Variants in BRI3BP observed in about 807,000 individuals in gnomAD.
BRI3BP encodes the protein BRI3-binding protein.
A neutral mutation model predicts 15.8 loss-of-function variants in BRI3BP; 7 were observed. That is an observed-to-expected ratio of 0.44 (90% CI 0.25 to 0.83). The LOEUF (loss-of-function observed/expected upper bound fraction) is 0.83. BRI3BP is among the 40% of genes least tolerant of loss of function. The pLI is 0.20. For synonymous variants in BRI3BP, 192 were observed against 163.5 expected (o/e 1.17, Z -1.33); for missense variants, 320 against 339.3 (o/e 0.94, Z 0.45).
the BRI3BP span, among the ~76,000 whole-genome samples, chr12:125,044,981 C>T: frequency 6.6e-6 from 1 of 152,150 alleles, no homozygotes; most frequent in Non-Finnish European, 1.5e-5. Context: ...AGCCATTCAT[C>T]CTTATAATTA....
Position 125,025,311 on chromosome 12 carries a change from A to G in BRI3BP, c.637A>G (p.Ser213Gly). 1 of 1,612,072 alleles carries G rather than the reference A, an allele frequency of 6.2e-7. No individual in the cohort carries two copies. Among genetic ancestry groups the G allele is most frequent in the African/African-American group, 1.3e-5 (1 of 74,286 alleles). Residue 213 changes from serine to glycine, a missense_variant, in exon 3 of 3, where the codon AGC (serine) becomes GGC (glycine). Ser to Gly is a moderately conservative substitution (Grantham distance 56). Transcript: ENST00000341446. ...FYWRSSPSGPSNPSNPSVEEK... is the reference protein window; with the variant it reads ...FYWRSSPSGPGNPSNPSVEEK... Reference sequence around the variant, plus strand: ...CTGGCGAAGCAGTCCCAGCGGCCCCAGCAACCCCAGCAACCCCAGCGTGGA... The same window carrying G: ...CTGGCGAAGCAGTCCCAGCGGCCCCGGCAACCCCAGCAACCCCAGCGTGGA...
the BRI3BP span, among the ~76,000 whole-genome samples, chr12:125,038,696 C>T: frequency 1.3e-5 from 2 of 151,722 alleles, no homozygotes. Flanking sequence ...ACCTGGGAGG[C>T]GGAGGTTGCG....
downstream of BRI3BP, among the ~76,000 whole-genome samples, chr12:125,033,446 T>G (rs1955420572): frequency 6.6e-6 from 1 of 152,108 alleles, no homozygotes; most frequent in Admixed American, 6.6e-5. Context: ...GATTCATGAG[T>G]GCTCGTCAAA....
chr12:125,012,711 C>G, intron 2 of BRI3BP, 75 bp downstream of exon 2: 1 of 1,147,474 alleles, frequency 8.7e-7, no homozygotes, highest in East Asian at 2.4e-5. Flanking sequence ...CTGGTACTCA[C>G]AGTGAGTAAT....
At chr12:125,010,826 G>A (rs11837682) in intron 1 of BRI3BP, among the ~76,000 whole-genome samples, 20,955 of 151,826 alleles carry the variant, frequency 0.14, 1,531 homozygotes, top group Admixed American at 0.16. Flanking sequence ...GGGTGTGGTG[G>A]CTCACGCCTA....
the BRI3BP span, among the ~76,000 whole-genome samples, chr12:125,039,988 G>A: frequency 2.0e-5 from 3 of 152,182 alleles, no homozygotes; most frequent in Admixed American, 2.0e-4. Context: ...CAATGGCTGG[G>A]TACGGTGGCT....
intron 1 of BRI3BP, among the ~76,000 whole-genome samples, chr12:125,003,124 C>T (rs936678431): frequency 6.6e-6 from 1 of 152,262 alleles, no homozygotes; most frequent in Non-Finnish European, 1.5e-5. Flanking sequence ...CCCGTCCCCT[C>T]TCCCTGGCTT....
intron 2 of BRI3BP, among the ~76,000 whole-genome samples, chr12:125,015,102 C>T (rs752651772): frequency 3.3e-5 from 5 of 152,162 alleles, no homozygotes; most frequent in African/African-American, 4.8e-5. Context: ...GGCTGTGGGT[C>T]CCACTGCTTA....
chr12:124,994,788 TC>T (rs1175157026), intron 1 of BRI3BP, among the ~76,000 whole-genome samples: 5 of 152,180 alleles, frequency 3.3e-5, no homozygotes, highest in Non-Finnish European at 7.3e-5. Flanking sequence ...GTATTGCGGT[TC>T]CTTTGCTGTT....
intron 1 of BRI3BP, among the ~76,000 whole-genome samples, chr12:125,009,145 T>A (rs1338959173): frequency 6.6e-6 from 1 of 151,190 alleles, no homozygotes; most frequent in Non-Finnish European, 1.5e-5. Flanking sequence ...ACTCAGCTAA[T>A]TTTTTTTGTA....
At chr12:125,001,316 A>G (rs1955089115) in intron 1 of BRI3BP, among the ~76,000 whole-genome samples, 1 of 151,670 alleles carries the variant, frequency 6.6e-6, no homozygotes, top group African/African-American at 2.4e-5. Flanking sequence ...TCGGCCTCCC[A>G]AAGTGCTGGG....
At chr12:124,996,835 G>T (rs985877816) in intron 1 of BRI3BP, among the ~76,000 whole-genome samples, 2 of 146,336 alleles carry the variant, frequency 1.4e-5, no homozygotes, top group African/African-American at 5.1e-5. Flanking sequence ...CTTGGCTCAT[G>T]GCAACCTCTG....
At chr12:125,036,830 AC>A in the BRI3BP span, among the ~76,000 whole-genome samples, 1 of 152,176 alleles carries the variant, frequency 6.6e-6, no homozygotes, top group Admixed American at 6.6e-5. Context: ...AGAGGAAAAG[AC>A]CAGATACCCC....
chr12:125,012,942 G>A (rs59670217), intron 2 of BRI3BP, among the ~76,000 whole-genome samples: 14 of 151,956 alleles, frequency 9.2e-5, no homozygotes, highest in Admixed American at 2.0e-4. Flanking sequence ...AAATTGCTGG[G>A]TGCAGTGATG....
the BRI3BP span, among the ~76,000 whole-genome samples, chr12:125,039,106 C>T: frequency 1.3e-5 from 2 of 151,912 alleles, no homozygotes; most frequent in Non-Finnish European, 2.9e-5. Flanking sequence ...TAAAAAAACC[C>T]CAAAACCAAA....
At chr12:125,031,774 C>T (rs1337479560), downstream of BRI3BP, among the ~76,000 whole-genome samples, 6 of 151,838 alleles carry the variant, frequency 4.0e-5, no homozygotes, top group Non-Finnish European at 5.9e-5. Flanking sequence ...GTGATCCGCC[C>T]GTTTCGGCCT....
intron 2 of BRI3BP, among the ~76,000 whole-genome samples, chr12:125,016,065 G>C (rs1247561184): frequency 6.6e-6 from 1 of 152,134 alleles, no homozygotes; most frequent in Non-Finnish European, 1.5e-5. Context: ...TAATCATATG[G>C]AAGAAGCCCA....
rs182494314 is a variant in BRI3BP at position 125,006,428 on chromosome 12, G to A, written c.214-6106G>A. Among the ~76,000 whole-genome samples, 16 of 152,288 alleles carry A rather than the reference G, an allele frequency of 1.1e-4. No homozygotes were observed. In the East Asian group the frequency reaches 1.9e-3, roughly 18 times the overall value. On this transcript the variant is annotated intron_variant, in intron 1 of 2. Coordinates refer to ENST00000341446, the MANE Select transcript of BRI3BP (RefSeq NM_080626.6). ...CAGTTTTCAGGAGGGGACAGGTGCC[G>A]TTCTTTCCACCGTGAGAAAGAACCT...
At chr12:124,997,212 C>CTTTTTTTTTTTTTTTTTTTTTTTT (rs1565900875) in intron 1 of BRI3BP, among the ~76,000 whole-genome samples, 1 of 33,908 alleles carries the variant, frequency 2.9e-5, no homozygotes, top group Admixed American at 3.0e-4. Flanking sequence ...TGCTTTACTT[C>CTTTTTTTTTTTTTTTTTTTTTTTT]TCTTTTTTTT....
Sources: gnomAD v4.1 joint callset for allele counts (sites outside exome capture counted in the v4.1 genomes callset) on GRCh38, gnomAD v4.1.1 for gene constraint, MANE v1.5 for transcripts, NCBI Gene and HGNC (gene_info 2026-07-23, HGNC 2026-07-21) for gene names.